The following ATG2A variants were observed in gnomAD, a reference collection of about 807,000 sequenced individuals.
ATG2A encodes the protein autophagy related 2A.
A neutral mutation model predicts 214.2 loss-of-function variants in ATG2A; 103 were observed. The ratio of observed to expected loss-of-function variants is 0.48; its 90% confidence interval spans 0.41 to 0.57. The LOEUF (loss-of-function observed/expected upper bound fraction) is 0.57, where lower values mean the gene tolerates loss of function less well. Among genes scored for constraint, ATG2A ranks in the 20% least tolerant of loss-of-function variants. The pLI, the probability that ATG2A is intolerant of heterozygous loss-of-function variation, is 0.00. For missense variants in ATG2A, 2,312 were observed against 2,613.2 expected, an observed-to-expected ratio of 0.88 and a Z score of 2.51; for synonymous variants, 1,160 against 1,142.1, an observed-to-expected ratio of 1.02 and a Z score of -0.32.
chr11:64,908,145 C>G (rs1177099718), intron 16 of ATG2A, among the ~76,000 whole-genome samples: 1 of 152,194 alleles, frequency 6.6e-6, no homozygotes, highest in East Asian at 1.9e-4. Context: ...AGGCTGGGCG[C>G]GGTGGCTCAC....
At chr11:64,908,944 G>A (rs1481571810) in intron 16 of ATG2A, 47 bp downstream of exon 16, 2 of 1,539,494 alleles carry the variant, frequency 1.3e-6, no homozygotes, top group African/African-American at 1.4e-5. Flanking sequence ...AGGAACCCGG[G>A]CGGTGGGCGG....
chr11:64,897,990 T>A lies in ATG2A; in HGVS notation c.4859-16A>T. The A allele has an allele frequency of 6.4e-7, 1 of 1,554,270 alleles. No homozygotes were observed. Among genetic ancestry groups the A allele is most frequent in the Non-Finnish European group, 8.7e-7 (1 of 1,153,648 alleles). ...TCGGGGCGAGCTAGGGGAGGGGAGG[T>A]CACAGACTGGGGATGGGGCCAGGAA... is the stretch of plus-strand genomic sequence containing the variant. On this transcript the variant is annotated splice_polypyrimidine_tract_variant and intron_variant, in intron 34 of 40. Coordinates refer to ENST00000377264, the MANE Select transcript of ATG2A (RefSeq NM_015104.3).
chr11:64,896,063 G>A (rs974573943), intron 39 of ATG2A, among the ~76,000 whole-genome samples: 3 of 152,220 alleles, frequency 2.0e-5, no homozygotes, highest in African/African-American at 4.8e-5. Context: ...AACTGCCCAC[G>A]AGACTGGCTC....
At chr11:64,914,036 C>T (rs201132716) in intron 3 of ATG2A, 45 bp downstream of exon 3, 7 of 1,543,366 alleles carry the variant, frequency 4.5e-6, no homozygotes, top group African/African-American at 4.1e-5. Context: ...GTTCTGTGTG[C>T]CACTGAAGGG....
Position 64,913,476 on chromosome 11 carries a change from C to T in ATG2A, c.591-75G>A. On this transcript the variant is annotated intron_variant, in intron 4 of 40. Coordinates refer to ENST00000377264, the MANE Select transcript of ATG2A (RefSeq NM_015104.3). The surrounding 1 kb of genome is among the most constrained non-coding windows in gnomAD (Gnocchi z 4.3). The stretch of plus-strand genomic sequence containing the variant: ...CCCTCTCTCCACACAGTGCTCTGCT[C>T]TAGGGGCACGGGGTCAGGGAGCCTA... 1 of 1,464,254 alleles carries T rather than the reference C, an allele frequency of 6.8e-7. No individual in the cohort carries two copies. The highest frequency in any genetic ancestry group is 9.1e-7 in the Non-Finnish European group (1 of 1,103,630). 90.7% of individuals were successfully genotyped at this position (1,464,254 alleles called of 1,614,324 possible).
Position 64,906,204 on chromosome 11 carries a change from G to C in ATG2A, c.3184-11C>G. The C allele has an allele frequency of 6.2e-7, 1 of 1,611,660 alleles. No individual in the cohort carries two copies. The highest frequency in any genetic ancestry group is 8.5e-7 in the Non-Finnish European group (1 of 1,179,250). ...TGTCACCAGGAACTCCTGAGGGTGG[G>C]GGCGCAGTCAGGGCAGTGGGGAGGC... On this transcript the variant is annotated splice_polypyrimidine_tract_variant and intron_variant, in intron 21 of 40. Transcript: ENST00000377264.
In ATG2A at chr11:64,910,802, C is replaced by G. The variant is rs749330314; in HGVS notation, c.1614+5G>C. 1.9e-5 allele frequency: 31 copies of G among 1,610,396 alleles called. No individual in the cohort carries two copies. Among genetic ancestry groups the G allele is most frequent in the Non-Finnish European group, 2.6e-5 (31 of 1,178,724 alleles). ...GCCTCGTACACATTCTGCCTCTGCCCTCACCTCCGTGTACTCAGGCTCAGA... is the reference window on the plus strand; with the variant it reads ...GCCTCGTACACATTCTGCCTCTGCCGTCACCTCCGTGTACTCAGGCTCAGA... On this transcript the variant is annotated splice_donor_5th_base_variant and intron_variant, in intron 11 of 40. Transcript: ENST00000377264.
At position 64,902,641 on chromosome 11, in the gene ATG2A, C is replaced by A. The variant is rs2136567438; in HGVS notation, c.3652G>T (p.Val1218Leu). Residue 1218 changes from valine to leucine, a missense_variant, in exon 27 of 41, where the codon GTA becomes TTA. Coordinates refer to ENST00000377264, the MANE Select transcript of ATG2A (RefSeq NM_015104.3). ...LFELRCSNNV[V>L]HVHSCADSCA... The stretch of plus-strand genomic sequence containing the variant: ...GAGTCGGCACAGCTGTGCACGTGTA[C>A]CACATTGTTGGAGCAGCGCAGCTCG... The A allele has an allele frequency of 6.2e-7, 1 of 1,611,218 alleles. No homozygotes were observed. Among genetic ancestry groups the A allele is most frequent in the Non-Finnish European group, 8.5e-7 (1 of 1,179,812 alleles).
In ATG2A at chr11:64,895,560, G is replaced by T; in HGVS notation, c.5428-118C>A. The T allele has an allele frequency of 8.3e-7, 1 of 1,197,672 alleles. No homozygotes were observed. Among genetic ancestry groups the T allele is most frequent in the Non-Finnish European group, 1.1e-6 (1 of 882,988 alleles). The allele number at this position is 1,197,672 out of a possible 1,614,324, so 74.2% of individuals were successfully genotyped here. On this transcript the variant is annotated intron_variant, in intron 39 of 40. Transcript: ENST00000377264. The surrounding 1 kb of genome is among the most constrained non-coding windows in gnomAD (Gnocchi z 5.0). ...AGCCTCCCTGCCTGTCACTGTGCTG[G>T]CCTAGGGGGTCCTGCTCAGCCTCAC...
chr11:64,907,706 C>T, intron 17 of ATG2A, 42 bp from the exon 18 acceptor site: 2 of 1,607,168 alleles, frequency 1.2e-6, no homozygotes, highest in Non-Finnish European at 1.7e-6. Context: ...AGGCCAGGCC[C>T]ACCCAGTGTC....
At position 64,909,862 on chromosome 11, in the gene ATG2A, C is replaced by T. The variant is rs753176938; in HGVS notation, c.1926G>A (p.Thr642=). The T allele has an allele frequency of 2.9e-5, 47 of 1,609,424 alleles. No individual in the cohort carries two copies. In the Admixed American group the frequency reaches 3.2e-4, roughly 11 times the overall value. The change falls in exon 14 of 41, where the codon ACG becomes ACA. Residue 642 remains threonine, a synonymous_variant. Transcript: ENST00000377264. ...CGGCAATGGGGAAGCGCAGCCGCAG[C>T]GTGGCCCGGGGTGCAGAGAGCCGAA... The part of the protein sequence containing the change: ...TVFRLSAPRA[T]LRLRFPIADL...
rs1473393522 is a variant in ATG2A, at chr11:64,914,220, G to A, written c.348C>T (p.Ala116=). 4 of 1,552,320 alleles carry A rather than the reference G, an allele frequency of 2.6e-6. No individual in the cohort carries two copies. Among genetic ancestry groups the A allele is most frequent in the Admixed American group, 2.0e-5 (1 of 51,236 alleles). The change falls in exon 3 of 41, where the codon GCC becomes GCT. Residue 116 remains alanine, a synonymous_variant. Coordinates refer to ENST00000377264, the MANE Select transcript of ATG2A (RefSeq NM_015104.3). ...QPRRGPAPGA[A]DSQSWASCMT... ...TGCATGAGGCCCAGCTCTGTGAGTC[G>A]GCAGCCCCTGGCGCTGTAGGGAGAA...
chr11:64,898,157 A>T lies in ATG2A; in HGVS notation c.4787T>A (p.Phe1596Tyr), dbSNP rs759668525. Residue 1596 changes from phenylalanine (F) to tyrosine (Y), a missense_variant, in exon 34 of 41, where the codon TTC becomes TAC. Phe to Tyr is a conservative substitution (Grantham distance 22). Coordinates refer to ENST00000377264, the MANE Select transcript of ATG2A (RefSeq NM_015104.3). This position sits in a 1 kb window ranked among gnomAD's most constrained non-coding sequence, Gnocchi z 4.5. Reference protein sequence around the residue: ...RLNVDQDALFFLKDFFTSLVA... With the variant: ...RLNVDQDALFYLKDFFTSLVA... ...CAGACTAGTGAAGAAGTCCTTGAGG[A>T]AGAAGAGGGCATCCTGCAAGGGAGA... 6.2e-7 allele frequency: 1 copy of T among 1,614,048 alleles called. No homozygotes were observed. Among genetic ancestry groups the T allele is most frequent in the Non-Finnish European group, 8.5e-7 (1 of 1,179,988 alleles).
In ATG2A at chr11:64,902,555, T is replaced by TGGGGGGGCGGGGGG; in HGVS notation, c.3737_3738insCCCCCCGCCCCCCC (p.Arg1248ProfsTer95). 1.6e-6 allele frequency: 1 copy of TGGGGGGGCGGGGGG among 614,362 alleles called. No homozygotes were observed. Among genetic ancestry groups the TGGGGGGGCGGGGGG allele is most frequent in the Non-Finnish European group, 2.8e-6 (1 of 352,354 alleles). 38.1% of individuals were successfully genotyped at this position (614,362 alleles called of 1,614,324 possible). A position where few individuals can be genotyped will look rare whatever the true frequency, so the allele number is the denominator to read the frequency against. Reference sequence around the variant, plus strand: ...TCTCCGTGGGGCTGGGGGGCCGGGGTGGGGGGTGCAGATCGCCTGTGCTCA... The same window carrying TGGGGGGGCGGGGGG: ...TCTCCGTGGGGCTGGGGGGCCGGGGTGGGGGGGCGGGGGGGGGGGGTGCAGATCGCCTGTGCTCA... On this transcript the variant is annotated frameshift_variant, in exon 27 of 41. Transcript: ENST00000377264. LOFTEE classifies it high-confidence loss of function.
At position 64,898,684 on chromosome 11, in the gene ATG2A, C is replaced by T. The variant is rs779832471; in HGVS notation, c.4623G>A (p.Leu1541=). The T allele has an allele frequency of 3.1e-6, 5 of 1,614,064 alleles. No homozygotes were observed. In the East Asian group the frequency reaches 8.9e-5, roughly 29 times the overall value. The change falls in exon 32 of 41, where the codon CTG becomes CTA. Residue 1541 remains leucine, a synonymous_variant. Transcript: ENST00000377264. The surrounding 1 kb of genome is among the most constrained non-coding windows in gnomAD (Gnocchi z 4.5). ...GCATCCGCTCACTCGTGTGTAGGTA[C>T]AGGAACTTGTTGATCTGGGAGGAGG... ...RLASSQINKF[L]YLHTSERMPR... is the part of the protein sequence containing the mutation.
In ATG2A at chr11:64,903,719, G is replaced by C; in HGVS notation, c.3465-59C>G. 1 of 1,493,400 alleles carries C rather than the reference G, an allele frequency of 6.7e-7. No individual in the cohort carries two copies. The highest frequency in any genetic ancestry group is 9.1e-7 in the Non-Finnish European group (1 of 1,104,210). 92.5% of individuals were successfully genotyped at this position (1,493,400 alleles called of 1,614,324 possible). ...ACCGCTGCAGGGGGCAGCTCCACGG[G>C]AGCCGAGCAGAGGGGTCCCAAGCCC... On this transcript the variant is annotated intron_variant, in intron 24 of 40. Coordinates refer to ENST00000377264, the MANE Select transcript of ATG2A (RefSeq NM_015104.3). This position sits in a 1 kb window ranked among gnomAD's most constrained non-coding sequence, Gnocchi z 4.2.
intron 1 of ATG2A, among the ~76,000 whole-genome samples, chr11:64,916,234 C>T (rs947821055): frequency 3.3e-5 from 5 of 152,268 alleles, no homozygotes; most frequent in Admixed American, 2.6e-4. Context: ...GGCCTCCTCC[C>T]GGCTTGAAGC....
chr11:64,902,844 A>G (rs1590632976), intron 26 of ATG2A, among the ~76,000 whole-genome samples, 164 bp from the exon 27 acceptor site: 1 of 152,228 alleles, frequency 6.6e-6, no homozygotes, highest in East Asian at 1.9e-4. Context: ...CACTGAACAG[A>G]TGAACAAACT....
At chr11:64,902,808 G>A in intron 26 of ATG2A, 128 bp from the exon 27 acceptor site, 10 of 806,614 alleles carry the variant, frequency 1.2e-5, no homozygotes, top group Non-Finnish European at 2.0e-5. Context: ...GGTCTCTCCT[G>A]GAGTGGATGA....
Sources: allele counts gnomAD v4.1 joint callset (sites outside exome capture counted in the v4.1 genomes callset), GRCh38; gene constraint gnomAD v4.1.1; non-coding constraint Gnocchi (gnomAD v3.1); transcripts MANE v1.5; gene names NCBI Gene and HGNC (gene_info 2026-07-23, HGNC 2026-07-21).